Variants in CLASP1 observed in about 807,000 individuals in gnomAD.
CLASP1 encodes cytoplasmic linker associated protein 1.
Under a neutral mutation model 192.3 loss-of-function variants are expected in CLASP1, and 38 were observed. That is an observed-to-expected ratio of 0.20 (90% CI 0.15 to 0.26). The LOEUF is 0.26. Among genes scored for constraint, CLASP1 ranks in the 10% least tolerant of loss-of-function variants. The pLI is 1.00. For missense variants in CLASP1, 1,433 were observed against 1,932.5 expected, an observed-to-expected ratio of 0.74 and a Z score of 4.85; for synonymous variants, 691 against 712.8, an observed-to-expected ratio of 0.97 and a Z score of 0.49.
intron 2 of CLASP1, among the ~76,000 whole-genome samples, chr2:121,561,724 G>A (rs1418165501): frequency 6.6e-6 from 1 of 152,220 alleles, no homozygotes; most frequent in Non-Finnish European, 1.5e-5. Flanking sequence ...ATGGAGATAA[G>A]GGCAAGTGAG....
intron 8 of CLASP1, 54 bp from the exon 9 acceptor site, chr2:121,470,014 C>A: frequency 1.6e-6 from 2 of 1,243,204 alleles, no homozygotes; most frequent in South Asian, 1.4e-5. Flanking sequence ...ACTATATATA[C>A]ATATATATAT....
intron 28 of CLASP1, among the ~76,000 whole-genome samples, chr2:121,399,724 C>T (rs1039771053): frequency 2.6e-5 from 4 of 152,164 alleles, no homozygotes; most frequent in African/African-American, 9.7e-5. Flanking sequence ...TCCAGGAAAA[C>T]TAACAGGAGG....
chr2:121,390,098 C>T (rs1348196896), intron 30 of CLASP1, among the ~76,000 whole-genome samples: 1 of 152,164 alleles, frequency 6.6e-6, no homozygotes, highest in Non-Finnish European at 1.5e-5. Flanking sequence ...TAGACTGTTA[C>T]TGTTTTCAAA....
At chr2:121,452,574 T>A (rs1383145260) in intron 14 of CLASP1, among the ~76,000 whole-genome samples, 1 of 152,074 alleles carries the variant, frequency 6.6e-6, no homozygotes, top group Non-Finnish European at 1.5e-5. Flanking sequence ...GCGGATCACT[T>A]GAGGTCATGA....
intron 8 of CLASP1, among the ~76,000 whole-genome samples, chr2:121,473,210 C>G (rs1279249402): frequency 1.3e-5 from 2 of 152,058 alleles, no homozygotes; most frequent in Non-Finnish European, 2.9e-5. Context: ...TCTATTATAA[C>G]TATGTTCAAT....
intron 8 of CLASP1, among the ~76,000 whole-genome samples, chr2:121,498,256 G>A (rs1331136185): frequency 6.8e-6 from 1 of 147,256 alleles, no homozygotes; most frequent in Non-Finnish European, 1.5e-5. Flanking sequence ...GGAGCGCAGT[G>A]GTACAATCTC....
intron 19 of CLASP1, among the ~76,000 whole-genome samples, chr2:121,431,823 T>C (rs2081476755): frequency 6.6e-6 from 1 of 152,152 alleles, no homozygotes; most frequent in African/African-American, 2.4e-5. Flanking sequence ...TAGAACGTTT[T>C]TAAATTATAA....
intron 8 of CLASP1, among the ~76,000 whole-genome samples, chr2:121,497,487 A>G (rs2093579778): frequency 6.6e-6 from 1 of 152,228 alleles, no homozygotes; most frequent in Non-Finnish European, 1.5e-5. Flanking sequence ...CTGTACCAAG[A>G]TCTGTATAGG....
chr2:121,631,582 G>A (rs190554061), intron 1 of CLASP1, among the ~76,000 whole-genome samples: 16 of 149,492 alleles, frequency 1.1e-4, no homozygotes, highest in Middle Eastern at 6.8e-3. Flanking sequence ...CACCAAGCCC[G>A]GCCTGAAATT....
At chr2:121,575,769 A>T (rs1340824376) in intron 2 of CLASP1, among the ~76,000 whole-genome samples, 1 of 152,214 alleles carries the variant, frequency 6.6e-6, no homozygotes, top group Non-Finnish European at 1.5e-5. Flanking sequence ...AAGGAGGAGG[A>T]CGGATAAATA....
At chr2:121,517,680 G>A (rs72969368) in intron 6 of CLASP1, among the ~76,000 whole-genome samples, 5,824 of 151,478 alleles carry the variant, frequency 0.038, 157 homozygotes, top group East Asian at 0.14. Flanking sequence ...CAAAGTGAGC[G>A]CCCATCTCTA....
chr2:121,394,903 A>T (rs572487472), intron 30 of CLASP1, among the ~76,000 whole-genome samples: 3 of 152,254 alleles, frequency 2.0e-5, no homozygotes, highest in East Asian at 3.9e-4. Flanking sequence ...AAAAAAACAA[A>T]TTTTTTTAGT....
intron 19 of CLASP1, among the ~76,000 whole-genome samples, chr2:121,435,657 A>C (rs994593838): frequency 6.6e-6 from 1 of 152,182 alleles, no homozygotes; most frequent in Non-Finnish European, 1.5e-5. Context: ...CTTTTGGATT[A>C]ATTTTTTAAA....
chr2:121,478,939 CCACACACACACCA>C lies in CLASP1; in HGVS notation c.713-8992_713-8980del, dbSNP rs1460985170. On this transcript the variant is annotated intron_variant, in intron 8 of 39. Coordinates refer to ENST00000263710, the Ensembl canonical transcript of CLASP1. ...CCACACACACACCACACAACACCCC[CCACACACACACCA>C]CACACACACACCACACACACCACAC... is the stretch of plus-strand genomic sequence containing the variant. Among the ~76,000 whole-genome samples the C allele has an allele frequency of 9.4e-4, 34 of 36,192 alleles. 1 individual carries two copies. Among genetic ancestry groups the C allele is most frequent in the Non-Finnish European group, 1.7e-3 (29 of 17,132 alleles). The allele number at this position is 36,192 out of a possible 152,430, so 23.7% of individuals were successfully genotyped here. A position where few individuals can be genotyped will look rare whatever the true frequency, so the allele number is the denominator to read the frequency against.
chr2:121,553,446 G>GT (rs1387659453), intron 2 of CLASP1, among the ~76,000 whole-genome samples: 9 of 152,190 alleles, frequency 5.9e-5, no homozygotes, highest in African/African-American at 2.2e-4. Flanking sequence ...GCACACGCCT[G>GT]TAATCCCACC....
At chr2:121,530,848 T>C (rs889135781) in intron 2 of CLASP1, 1 of 668,602 alleles carries the variant, frequency 1.5e-6, no homozygotes, top group Admixed American at 2.1e-5. Context: ...GTATTGGCGC[T>C]TCCTGCTTGC....
At chr2:121,419,119 G>A (rs1156288685) in intron 22 of CLASP1, among the ~76,000 whole-genome samples, 1 of 152,174 alleles carries the variant, frequency 6.6e-6, no homozygotes, top group Non-Finnish European at 1.5e-5. Context: ...AACCAAAGCT[G>A]TATTCATATG....
chr2:121,435,047 G>A (rs1398733944), intron 19 of CLASP1, among the ~76,000 whole-genome samples: 2 of 152,082 alleles, frequency 1.3e-5, no homozygotes, highest in Non-Finnish European at 2.9e-5. Context: ...TGGGCTGGGC[G>A]TGGTGGCTCT....
intron 8 of CLASP1, among the ~76,000 whole-genome samples, chr2:121,487,030 C>T (rs980846234): frequency 6.6e-6 from 1 of 152,182 alleles, no homozygotes; most frequent in African/African-American, 2.4e-5. Flanking sequence ...TCATCTTACC[C>T]TCAAAACCTG....
Sources: gnomAD v4.1 joint callset for allele counts (sites outside exome capture counted in the v4.1 genomes callset) on GRCh38, gnomAD v4.1.1 for gene constraint, MANE v1.5 for transcripts, NCBI Gene and HGNC (gene_info 2026-07-23, HGNC 2026-07-21) for gene names.